SCN10A: variants seen among roughly 807,000 people sequenced by gnomAD.
SCN10A encodes the protein sodium voltage-gated channel alpha subunit 10.
In SCN10A, 162 loss-of-function variants were observed where a neutral mutation model predicts 170.7. That is an observed-to-expected ratio of 0.95 (90% CI 0.84 to 1.08). The LOEUF is 1.08. SCN10A is among the 50% of genes least tolerant of loss of function. The pLI is 0.00. For synonymous variants in SCN10A, 985 were observed against 904.6 expected (o/e 1.09, Z -1.59); for missense variants, 2,527 against 2,436.9 (o/e 1.04, Z -0.78).
At chr3:38,792,194 G>A (rs773676018) in intron 2 of SCN10A, 26 bp from the exon 3 acceptor site, 6 of 1,610,458 alleles carry the variant, frequency 3.7e-6, no homozygotes, top group Middle Eastern at 3.3e-4. Context: ...ACAGAAAGTG[G>A]ACCTCCAATG....
At chr3:38,718,620 C>T (rs755067126) in intron 21 of SCN10A, 33 bp downstream of exon 21, 1 of 1,611,536 alleles carries the variant, frequency 6.2e-7, no homozygotes, top group South Asian at 1.1e-5. Flanking sequence ...GGGGAGGACC[C>T]CAAACCCCAC....
chr3:38,700,329 C>T (rs75927671), intron 27 of SCN10A, among the ~76,000 whole-genome samples: 3,485 of 152,244 alleles, frequency 0.023, 155 homozygotes, highest in East Asian at 0.2. Context: ...TACAAACTTC[C>T]AGTTATGTGA....
chr3:38,809,266 TAGA>T (rs147092178), intron 1 of SCN10A, among the ~76,000 whole-genome samples: 3,628 of 152,286 alleles, frequency 0.024, 113 homozygotes, highest in African/African-American at 0.079. Context: ...TTGGAGGAAT[TAGA>T]AGACTACTCT....
intron 4 of SCN10A, among the ~76,000 whole-genome samples, chr3:38,785,274 C>T (rs1286751517): frequency 6.6e-6 from 1 of 152,078 alleles, no homozygotes; most frequent in Non-Finnish European, 1.5e-5. Flanking sequence ...GTACTGGTAC[C>T]AAAACAGATA....
chr3:38,739,292 A>G (rs1402797264), intron 15 of SCN10A, among the ~76,000 whole-genome samples: 1 of 152,158 alleles, frequency 6.6e-6, no homozygotes, highest in Non-Finnish European at 1.5e-5. Flanking sequence ...CTTGGTGCAG[A>G]TAAGGGAGCC....
chr3:38,811,065 A>C (rs995029762), intron 1 of SCN10A, among the ~76,000 whole-genome samples: 4 of 152,160 alleles, frequency 2.6e-5, no homozygotes, highest in African/African-American at 9.7e-5. Context: ...TCCATGCTTA[A>C]ATCCCCACTC....
chr3:38,723,560 G>T lies in SCN10A; in HGVS notation c.3229-7C>A. ...AGCTTGTGTCGTCCACTCCCTGCAG[G>T]GGAGAAGCCCAGGGCAGTGAACTCG... On this transcript the variant is annotated splice_polypyrimidine_tract_variant and splice_region_variant and intron_variant, in intron 18 of 27. Coordinates refer to ENST00000449082, the MANE Select transcript of SCN10A (RefSeq NM_006514.4). 1 of 1,580,260 alleles carries T rather than the reference G, an allele frequency of 6.3e-7. No individual in the cohort carries two copies. The highest frequency in any genetic ancestry group is 1.3e-5 in the African/African-American group (1 of 74,154).
At chr3:38,799,661 TA>T (rs1299390807) in intron 1 of SCN10A, among the ~76,000 whole-genome samples, 1 of 152,184 alleles carries the variant, frequency 6.6e-6, no homozygotes, top group East Asian at 1.9e-4. Context: ...TGCAGTTTTT[TA>T]TTCTTAATAA....
At chr3:38,795,353 T>C (rs1389518216) in intron 1 of SCN10A, among the ~76,000 whole-genome samples, 1 of 148,930 alleles carries the variant, frequency 6.7e-6, no homozygotes, top group Non-Finnish European at 1.5e-5. Flanking sequence ...TTTTCTTTTT[T>C]TTTTTTTGAG....
rs376780249 is a variant in SCN10A, at chr3:38,697,329, T to C, written c.*20A>G. On this transcript the variant is annotated 3_prime_UTR_variant, in exon 28 of 28. Coordinates refer to ENST00000449082, the MANE Select transcript of SCN10A (RefSeq NM_006514.4). ...GAAGGACGCATCATAACTGAACATATCCAGGCTGGAGTGTTCTCACTAGGG... is the reference window on the plus strand; with the variant it reads ...GAAGGACGCATCATAACTGAACATACCCAGGCTGGAGTGTTCTCACTAGGG... The C allele has an allele frequency of 1.2e-6, 2 of 1,609,696 alleles. No homozygotes were observed. Among genetic ancestry groups the C allele is most frequent in the African/African-American group, 1.3e-5 (1 of 74,688 alleles).
At chr3:38,727,095 C>T (rs2063466371) in intron 16 of SCN10A, 43 bp from the exon 17 acceptor site, 4 of 1,559,612 alleles carry the variant, frequency 2.6e-6, no homozygotes, top group Non-Finnish European at 3.5e-6. Flanking sequence ...AATCTCTAAG[C>T]TGAGCCCCAC....
intron 5 of SCN10A, among the ~76,000 whole-genome samples, chr3:38,769,378 A>C (rs927029490): frequency 4.0e-5 from 6 of 151,330 alleles, no homozygotes; most frequent in African/African-American, 1.2e-4. Flanking sequence ...AGCTGGGATT[A>C]CAGGCATGCA....
chr3:38,788,625 G>C (rs1183076094), intron 4 of SCN10A, among the ~76,000 whole-genome samples: 2 of 151,002 alleles, frequency 1.3e-5, no homozygotes, highest in African/African-American at 4.9e-5. Flanking sequence ...TGTGTTGGGG[G>C]GGGGTGGGGG....
rs577290955 is a variant in SCN10A, at chr3:38,748,071, G to C, written c.1867+2002C>G. Among the ~76,000 whole-genome samples, 5 of 152,270 alleles carry C rather than the reference G, an allele frequency of 3.3e-5. No individual in the cohort carries two copies. The South Asian group carries it at 1.0e-3, about 32-fold the overall frequency. ...TGATAAGAGAATAAATGAAAGAAGA[G>C]AGAAGGAGGAAGCTTAACAGTTTTC... On this transcript the variant is annotated intron_variant, in intron 13 of 27. Coordinates refer to ENST00000449082, the MANE Select transcript of SCN10A (RefSeq NM_006514.4).
rs58915895 is a variant in SCN10A, at chr3:38,765,705, C to T, written c.600-2109G>A. Among the ~76,000 whole-genome samples, 328 of 152,090 alleles carry T rather than the reference C, an allele frequency of 2.2e-3. 2 individuals are homozygous for T. Among genetic ancestry groups the T allele is most frequent in the African/African-American group, 7.4e-3 (307 of 41,488 alleles). On this transcript the variant is annotated intron_variant, in intron 5 of 27. Transcript: ENST00000449082. ...TAGTCTTGCTTTGGCTATGTGGATT[C>T]CTTTTTGGTTCCCTATGAATTTTAG...
At chr3:38,710,706 G>A in intron 24 of SCN10A, 138 bp downstream of exon 24, 1 of 778,216 alleles carries the variant, frequency 1.3e-6, no homozygotes, top group South Asian at 1.7e-5. Flanking sequence ...GGACACTGCT[G>A]CAAGGAGGGA....
chr3:38,808,166 C>A (rs978449902), intron 1 of SCN10A, among the ~76,000 whole-genome samples: 4 of 152,104 alleles, frequency 2.6e-5, no homozygotes, highest in Non-Finnish European at 4.4e-5. Context: ...CCTTGTTTCC[C>A]CCCTAGTAGT....
At position 38,718,853 on chromosome 3, in the gene SCN10A, G is replaced by T. The variant is rs766188571; in HGVS notation, c.3508-27C>A. On this transcript the variant is annotated intron_variant, in intron 20 of 27. Coordinates refer to ENST00000449082, the MANE Select transcript of SCN10A (RefSeq NM_006514.4). ...TGGAAGGAAGAAAGGATGCAGAATG[G>T]CAGGCTGCCTGGACCCACAGCACTG... The T allele has an allele frequency of 5.0e-6, 8 of 1,609,362 alleles. No homozygotes were observed. In the African/African-American group the frequency reaches 8.0e-5, roughly 16 times the overall value.
At chr3:38,709,932 A>G (rs1189865357) in intron 24 of SCN10A, among the ~76,000 whole-genome samples, 3 of 152,186 alleles carry the variant, frequency 2.0e-5, no homozygotes, top group Non-Finnish European at 1.5e-5. Context: ...CAGACTCCCA[A>G]AACTTATTGG....
Sources: gnomAD v4.1 joint callset for allele counts (sites outside exome capture counted in the v4.1 genomes callset) on GRCh38, gnomAD v4.1.1 for gene constraint, MANE v1.5 for transcripts, NCBI Gene and HGNC (gene_info 2026-07-23, HGNC 2026-07-21) for gene names.